The following GIGYF2 variants were observed in gnomAD, a reference collection of about 807,000 sequenced individuals.
The protein encoded by GIGYF2 is GRB10 interacting GYF protein 2.
A neutral mutation model predicts 208.1 loss-of-function variants in GIGYF2; 25 were observed. The ratio of observed to expected loss-of-function variants is 0.12; its 90% CI spans 0.09 to 0.17. GIGYF2 has a LOEUF of 0.17. Ranked by LOEUF, GIGYF2 falls within the 10% of genes least tolerant of loss-of-function variation. The probability of loss-of-function intolerance (pLI) is 1.00; values close to 1 mark genes in which losing one functional copy is unlikely to be tolerated. For missense variants in GIGYF2, 1,302 were observed against 1,579.4 expected, an observed-to-expected ratio of 0.82 and a Z score of 2.98; for synonymous variants, 534 against 543.8, an observed-to-expected ratio of 0.98 and a Z score of 0.25.
At chr2:232,814,923 G>C (rs146715301) in intron 18 of GIGYF2, among the ~76,000 whole-genome samples, 4 of 152,280 alleles carry the variant, frequency 2.6e-5, no homozygotes, top group Non-Finnish European at 5.9e-5. Flanking sequence ...AGAGAATGCT[G>C]AAAAGTGGTG....
intron 21 of GIGYF2, among the ~76,000 whole-genome samples, chr2:232,824,984 A>G (rs796139760): frequency 2.3e-4 from 35 of 152,352 alleles, no homozygotes; most frequent in African/African-American, 7.7e-4. Context: ...CAAAGCCTGG[A>G]TGACAGCACA....
chr2:232,720,579 A>ATTTT (rs1449256988), intron 2 of GIGYF2, among the ~76,000 whole-genome samples: 40 of 121,298 alleles, frequency 3.3e-4, no homozygotes, highest in Admixed American at 1.7e-3. Flanking sequence ...ATATATATAT[A>ATTTT]TATATTTTTG....
Position 232,850,321 on chromosome 2 carries a change from C to G in GIGYF2, c.3744C>G (p.Ser1248Arg), listed in dbSNP as rs1297147740. 2.5e-6 allele frequency: 4 copies of G among 1,613,352 alleles called. No homozygotes were observed. Among genetic ancestry groups the G allele is most frequent in the Non-Finnish European group, 3.4e-6 (4 of 1,179,462 alleles). The stretch of plus-strand genomic sequence containing the variant: ...ATTCAGTATTTCAGACCAATCAAAG[C>G]AACAACCAACAATCCAATTTTGAGG... ...TLHSVFQTNQSNNQQSNFEAV... is the reference protein window; with the variant it reads ...TLHSVFQTNQRNNQQSNFEAV... Residue 1248 changes from serine to arginine, a missense_variant, in exon 28 of 29, where the codon AGC (serine) becomes AGG (arginine). Transcript: ENST00000373563.
intron 8 of GIGYF2, among the ~76,000 whole-genome samples, chr2:232,762,988 C>G (rs1450475579): frequency 1.4e-5 from 2 of 145,470 alleles, no homozygotes; most frequent in Admixed American, 6.7e-5. Flanking sequence ...CACCATTGCA[C>G]TCTCTAGCCC....
intron 5 of GIGYF2, among the ~76,000 whole-genome samples, chr2:232,749,299 G>C (rs1333820193): frequency 6.6e-6 from 1 of 152,146 alleles, no homozygotes; most frequent in African/African-American, 2.4e-5. Flanking sequence ...GATCCTTAAG[G>C]ACATTGGGAA....
At position 232,760,389 on chromosome 2, in the gene GIGYF2, G is replaced by T. The variant is rs556033051; in HGVS notation, c.380-91G>T. The T allele has an allele frequency of 1.6e-3, 1,351 of 837,166 alleles. 2 individuals are homozygous for T. The highest frequency in any genetic ancestry group is 2.4e-3 in the Non-Finnish European group (1,197 of 495,084). The allele number at this position is 837,166 out of a possible 1,614,324, so 51.9% of individuals were successfully genotyped here. Reference sequence around the variant, plus strand: ...AAATGTAGATGTCCTGCCTTGTATAGAGATAGAACTTTAGATATTAATTTA... The same window carrying T: ...AAATGTAGATGTCCTGCCTTGTATATAGATAGAACTTTAGATATTAATTTA... On this transcript the variant is annotated intron_variant, in intron 6 of 28. Transcript: ENST00000373563.
At chr2:232,732,639 A>T (rs1326458789) in intron 2 of GIGYF2, among the ~76,000 whole-genome samples, 1 of 149,234 alleles carries the variant, frequency 6.7e-6, no homozygotes, top group African/African-American at 2.5e-5. Context: ...TAATTTTTTT[A>T]ATTTTTTTTT....
At chr2:232,842,085 C>A (rs1701833653) in intron 23 of GIGYF2, among the ~76,000 whole-genome samples, 2 of 152,142 alleles carry the variant, frequency 1.3e-5, no homozygotes, top group African/African-American at 4.8e-5. Flanking sequence ...AGCGATCTTC[C>A]CACCTTGGCC....
chr2:232,725,210 C>T (rs1052299618), intron 2 of GIGYF2, among the ~76,000 whole-genome samples: 1 of 152,130 alleles, frequency 6.6e-6, no homozygotes, highest in Admixed American at 6.5e-5. Context: ...GTCCTGGAAA[C>T]TTTCCTGCCC....
In GIGYF2 at chr2:232,768,846, T is replaced by A. The variant is rs145004975; in HGVS notation, c.532+7410T>A. On this transcript the variant is annotated intron_variant, in intron 8 of 28. Coordinates refer to ENST00000373563, the MANE Select transcript of GIGYF2 (RefSeq NM_001103146.3). ...AGAAATTATTGATTTTTTTTTAGAATGAAGACTTTAAATATCAATACTTTT... is the reference window on the plus strand; with the variant it reads ...AGAAATTATTGATTTTTTTTTAGAAAGAAGACTTTAAATATCAATACTTTT... The A allele has an allele frequency of 7.3e-5, 114 of 1,567,570 alleles. 2 individuals are homozygous for A. The African/African-American group carries it at 1.0e-3, about 14-fold the overall frequency.
intron 3 of GIGYF2, among the ~76,000 whole-genome samples, chr2:232,745,311 T>A (rs1698110815): frequency 6.6e-6 from 1 of 152,090 alleles, no homozygotes; most frequent in African/African-American, 2.4e-5. Context: ...TGGAAATGAT[T>A]GATTTCAGGT....
chr2:232,759,559 A>C (rs1246008973), intron 6 of GIGYF2, among the ~76,000 whole-genome samples: 2 of 152,156 alleles, frequency 1.3e-5, no homozygotes, highest in African/African-American at 4.8e-5. Flanking sequence ...ATCATTCTTC[A>C]GTATGTTCTT....
rs71056301 is a variant in GIGYF2, at chr2:232,836,399, A to AATATATATATAAATATATATAT, written c.2766+3321_2766+3322insTATATATATATATATATAAATA. Among the ~76,000 whole-genome samples, 21 of 47,780 alleles carry AATATATATATAAATATATATAT rather than the reference A, an allele frequency of 4.4e-4. 3 individuals are homozygous for AATATATATATAAATATATATAT. Among genetic ancestry groups the AATATATATATAAATATATATAT allele is most frequent in the East Asian group, 1.3e-3 (2 of 1,554 alleles). 31.3% of individuals were successfully genotyped at this position (47,780 alleles called of 152,430 possible). ...ATAAATATAAATATATATAAATATA[A>AATATATATATAAATATATATAT]ATATATATATAAATAAATTATTCAG... On this transcript the variant is annotated intron_variant, in intron 22 of 28. Transcript: ENST00000373563.
intron 28 of GIGYF2, among the ~76,000 whole-genome samples, chr2:232,856,556 G>A (rs1006796154): frequency 4.6e-5 from 7 of 152,108 alleles, no homozygotes; most frequent in African/African-American, 1.4e-4. Context: ...AGACGGGCAT[G>A]GTGGCATGTG....
At chr2:232,854,537 C>T (rs1028280819) in intron 28 of GIGYF2, among the ~76,000 whole-genome samples, 1 of 151,968 alleles carries the variant, frequency 6.6e-6, no homozygotes, top group East Asian at 1.9e-4. Context: ...CTAAGGCTGT[C>T]ACTATTTTCA....
intron 8 of GIGYF2, among the ~76,000 whole-genome samples, chr2:232,766,300 T>C (rs901746270): frequency 6.6e-6 from 1 of 152,166 alleles, no homozygotes; most frequent in African/African-American, 2.4e-5. Context: ...AAATGCCAAA[T>C]TTATTATAAA....
chr2:232,754,054 A>C (rs1698435461), intron 5 of GIGYF2, among the ~76,000 whole-genome samples: 1 of 152,032 alleles, frequency 6.6e-6, no homozygotes, highest in Admixed American at 6.6e-5. Context: ...AGTCCCAGCT[A>C]CTCAGGAGGC....
At chr2:232,734,896 C>G (rs992920757) in intron 2 of GIGYF2, among the ~76,000 whole-genome samples, 22 of 152,162 alleles carry the variant, frequency 1.4e-4, no homozygotes, top group Admixed American at 1.4e-3. Flanking sequence ...CTGTTCCTAC[C>G]TCTCTCACTA....
chr2:232,730,343 G>A (rs1202325553), intron 2 of GIGYF2: 11 of 504,436 alleles, frequency 2.2e-5, no homozygotes, highest in South Asian at 4.4e-5. Flanking sequence ...AGTGGCTCAC[G>A]CCTGTAGTCC....
Sources: allele counts gnomAD v4.1 joint callset (sites outside exome capture counted in the v4.1 genomes callset), GRCh38; gene constraint gnomAD v4.1.1; transcripts MANE v1.5; gene names NCBI Gene and HGNC (gene_info 2026-07-23, HGNC 2026-07-21).